The following WWOX variants were observed in gnomAD, a reference collection of about 807,000 sequenced individuals.
The protein encoded by WWOX is WW domain-containing oxidoreductase.
Under a neutral mutation model 46.2 loss-of-function variants are expected in WWOX, and 69 were observed. The observed-to-expected ratio is 1.49, with a 90% CI of 1.23 to 1.82. The LOEUF is 1.82. Among genes scored for constraint, WWOX ranks in the 40% most tolerant of loss-of-function variants. WWOX has a pLI of 0.00. For synonymous variants in WWOX, 359 were observed against 202.6 expected (o/e 1.77, Z -6.56); for missense variants, 919 against 542.6 (o/e 1.69, Z -6.89).
chr16:78,734,836 C>T (rs1017454901), intron 8 of WWOX, among the ~76,000 whole-genome samples: 1 of 88,588 alleles, frequency 1.1e-5, no homozygotes, highest in Non-Finnish European at 2.4e-5. Context: ...GTGGGGACTT[C>T]AGTCCTTTTT....
chr16:78,223,072 C>T (rs1190037378), intron 5 of WWOX, among the ~76,000 whole-genome samples: 3 of 152,102 alleles, frequency 2.0e-5, no homozygotes, highest in African/African-American at 7.2e-5. Context: ...AAGAAGTGTC[C>T]TTGCGGTGAT....
chr16:78,633,483 C>T (rs535104357), intron 8 of WWOX, among the ~76,000 whole-genome samples: 9 of 152,126 alleles, frequency 5.9e-5, no homozygotes, highest in Non-Finnish European at 1.3e-4. Flanking sequence ...ACCACGAGTT[C>T]AGAACTTTGG....
intron 5 of WWOX, among the ~76,000 whole-genome samples, chr16:78,283,774 A>T (rs1403325136): frequency 6.6e-6 from 1 of 152,112 alleles, no homozygotes; most frequent in African/African-American, 2.4e-5. Flanking sequence ...CAGTGGGTTG[A>T]GCTAAATTCA....
At chr16:78,657,452 A>C (rs2047107200) in intron 8 of WWOX, among the ~76,000 whole-genome samples, 1 of 152,144 alleles carries the variant, frequency 6.6e-6, no homozygotes, top group Admixed American at 6.5e-5. Context: ...CTTGTCAGTG[A>C]GGGTCCAGGT....
intron 8 of WWOX, among the ~76,000 whole-genome samples, chr16:78,907,501 G>A (rs138639344): frequency 9.7e-4 from 147 of 152,280 alleles, no homozygotes; most frequent in African/African-American, 3.3e-3. Context: ...TAGTTTGGGG[G>A]TAGGGCCATT....
At chr16:79,086,081 G>GA (rs34626621) in intron 8 of WWOX, among the ~76,000 whole-genome samples, 137 of 151,226 alleles carry the variant, frequency 9.1e-4, no homozygotes, top group African/African-American at 3.3e-3. Context: ...CCAAAAAAAA[G>GA]AGCAGTATAG....
chr16:78,804,691 T>C (rs558731919), intron 8 of WWOX, among the ~76,000 whole-genome samples: 1 of 152,376 alleles, frequency 6.6e-6, no homozygotes, highest in South Asian at 2.1e-4. Flanking sequence ...AATTTCTGTT[T>C]TTTTTCTAAT....
At chr16:78,771,997 A>G (rs2050076288) in intron 8 of WWOX, among the ~76,000 whole-genome samples, 1 of 152,162 alleles carries the variant, frequency 6.6e-6, no homozygotes, top group African/African-American at 2.4e-5. Flanking sequence ...TTATTAGTGT[A>G]TATGTGTGTT....
chr16:78,987,649 G>A (rs188956488), intron 8 of WWOX, among the ~76,000 whole-genome samples: 1 of 152,288 alleles, frequency 6.6e-6, no homozygotes, highest in Admixed American at 6.5e-5. Flanking sequence ...GCATGATGGT[G>A]CATATGTCTT....
At chr16:79,196,608 G>A (rs1390317105) in intron 8 of WWOX, 2 of 152,116 alleles carry the variant, frequency 1.3e-5, no homozygotes, top group Non-Finnish European at 2.9e-5. Flanking sequence ...CTCTTCTCCT[G>A]ATACTCCACA....
At chr16:78,545,333 G>T (rs901631555) in intron 8 of WWOX, among the ~76,000 whole-genome samples, 2 of 152,112 alleles carry the variant, frequency 1.3e-5, no homozygotes, top group Admixed American at 1.3e-4. Flanking sequence ...ATTGTGGCCT[G>T]CTCCTCGTGG....
chr16:78,755,587 C>G (rs1013299517), intron 8 of WWOX, among the ~76,000 whole-genome samples: 9 of 152,188 alleles, frequency 5.9e-5, no homozygotes, highest in African/African-American at 1.9e-4. Context: ...CCCGAAGCCT[C>G]TCAGTGCCAC....
intron 5 of WWOX, among the ~76,000 whole-genome samples, chr16:78,312,158 C>G (rs190963738): frequency 1.4e-4 from 22 of 152,250 alleles, no homozygotes; most frequent in Admixed American, 3.3e-4. Flanking sequence ...GGATAGCTAT[C>G]AAGGGTCACT....
chr16:79,155,144 G>A (rs1169720333), intron 8 of WWOX, among the ~76,000 whole-genome samples: 2 of 152,190 alleles, frequency 1.3e-5, no homozygotes, highest in Admixed American at 1.3e-4. Flanking sequence ...TTGGGAGGCC[G>A]AGGCAGGCAG....
chr16:78,519,278 C>T (rs2043300072), intron 8 of WWOX, among the ~76,000 whole-genome samples: 1 of 152,056 alleles, frequency 6.6e-6, no homozygotes, highest in Non-Finnish European at 1.5e-5. Flanking sequence ...CCAATGAGGG[C>T]CACAGAGCTT....
chr16:79,173,969 T>C (rs2050751147), intron 8 of WWOX, among the ~76,000 whole-genome samples: 1 of 152,208 alleles, frequency 6.6e-6, no homozygotes, highest in Admixed American at 6.5e-5. Flanking sequence ...AATGTCTAAC[T>C]TAAAATGCCT....
chr16:78,857,970 C>G (rs952728809), intron 8 of WWOX, among the ~76,000 whole-genome samples: 1 of 151,922 alleles, frequency 6.6e-6, no homozygotes, highest in Admixed American at 6.6e-5. Flanking sequence ...GCTTTTTTAG[C>G]GTTATTTTGT....
intron 8 of WWOX, among the ~76,000 whole-genome samples, chr16:78,683,692 A>G (rs7193282): frequency 0.11 from 16,021 of 152,132 alleles, 1,469 homozygotes; most frequent in African/African-American, 0.25. Flanking sequence ...ACGAGCTGCC[A>G]CGCCTCACCT....
intron 8 of WWOX, among the ~76,000 whole-genome samples, chr16:78,600,323 C>G (rs1277609354): frequency 6.6e-6 from 1 of 152,032 alleles, no homozygotes; most frequent in Admixed American, 6.5e-5. Context: ...ATAAGAGAAA[C>G]AGACCAAGTA....
Sources: allele counts gnomAD v4.1 joint callset (sites outside exome capture counted in the v4.1 genomes callset), GRCh38; gene constraint gnomAD v4.1.1; transcripts MANE v1.5; gene names NCBI Gene and HGNC (gene_info 2026-07-23, HGNC 2026-07-21).